The following CYB5RL variants were observed in gnomAD, a reference collection of about 807,000 sequenced individuals.
CYB5RL encodes cytochrome b5 reductase like.
Under a neutral mutation model 37.5 loss-of-function variants are expected in CYB5RL, and 38 were observed. The observed-to-expected ratio is 1.01, with a 90% CI of 0.78 to 1.33. CYB5RL has a LOEUF of 1.33. CYB5RL is among the 40% of genes most tolerant of loss of function. CYB5RL has a pLI of 0.00. For synonymous variants in CYB5RL, 141 were observed against 151.9 expected (o/e 0.93, Z 0.53); for missense variants, 388 against 394.4 (o/e 0.98, Z 0.14).
rs765848741 is a variant in CYB5RL at position 54,187,680 on chromosome 1, G to A, written c.407C>T (p.Ala136Val). The A allele has an allele frequency of 3.7e-6, 6 of 1,613,872 alleles. No homozygotes were observed. In the African/African-American group the frequency reaches 5.3e-5, roughly 14 times the overall value. The change falls in exon 5 of 8, where the codon GCA (alanine) becomes GTA (valine). Residue 136 changes from alanine to valine, a missense_variant. Coordinates refer to ENST00000534324, the MANE Select transcript of CYB5RL (RefSeq NM_001031672.4). Reference sequence around the variant, plus strand: ...AATTAACACTTCAAAGTATCCTTCTGCGTTGGCAGGGCTGATGGGCGTATA... The same window carrying A: ...AATTAACACTTCAAAGTATCCTTCTACGTTGGCAGGGCTGATGGGCGTATA... ...RAYTPISPAN[A>V]EGYFEVLIKC...
rs1659910955 is a variant in CYB5RL, at chr1:54,172,293, A to T, written c.*2326T>A. ...GCAATACTCCCACCTCAGCCTCCAA[A>T]GTAGCTGGGACTACAGGCGCATACC... On this transcript the variant is annotated 3_prime_UTR_variant, in exon 8 of 8. Transcript: ENST00000534324. The T allele has an allele frequency of 6.6e-6, 1 of 151,242 alleles. No homozygotes were observed. The highest frequency in any genetic ancestry group is 6.6e-5 in the Admixed American group (1 of 15,158). The allele number at this position is 151,242 out of a possible 1,614,324, so 9.4% of individuals were successfully genotyped here.
chr1:54,190,151 G>A (rs1458987892), intron 4 of CYB5RL, among the ~76,000 whole-genome samples: 1 of 152,184 alleles, frequency 6.6e-6, no homozygotes, highest in Non-Finnish European at 1.5e-5. Flanking sequence ...GCAGGGGTGG[G>A]GACTGGGGTG....
At chr1:54,199,034 T>C (rs1644047546) in intron 1 of CYB5RL, among the ~76,000 whole-genome samples, 1 of 152,142 alleles carries the variant, frequency 6.6e-6, no homozygotes, top group African/African-American at 2.4e-5. Context: ...GGTTCATGCG[T>C]CCTCTGAGCT....
intron 6 of CYB5RL, among the ~76,000 whole-genome samples, chr1:54,182,476 T>G (rs1215000891): frequency 6.6e-6 from 1 of 152,182 alleles, no homozygotes; most frequent in Non-Finnish European, 1.5e-5. Context: ...TTCTTTTCTT[T>G]TTTTTTTGTC....
At position 54,174,752 on chromosome 1, in the gene CYB5RL, A is replaced by G; in HGVS notation, c.815T>C (p.Leu272Pro). 1 of 1,614,024 alleles carries G rather than the reference A, an allele frequency of 6.2e-7. No homozygotes were observed. Among genetic ancestry groups the G allele is most frequent in the South Asian group, 1.1e-5 (1 of 91,070 alleles). ...ACAGCAGCTGACCAGCTCTTTAATT[A>G]GGTCCTGGCCCAGGTGGCCAAAGTG... ...KTHFGHLGQD[L>P]IKELVSCCRR... Residue 272 changes from leucine (L) to proline (P), a missense_variant, in exon 8 of 8, where the codon CTA becomes CCA. Leu to Pro is a moderately conservative substitution (Grantham distance 98). Transcript: ENST00000534324.
intron 3 of CYB5RL, among the ~76,000 whole-genome samples, chr1:54,193,821 T>C (rs1010479472): frequency 2.7e-5 from 4 of 150,056 alleles, no homozygotes; most frequent in African/African-American, 9.9e-5. Flanking sequence ...CAAAAAAAAA[T>C]TAGCCGGGCG....
At chr1:54,175,085 C>A (rs994451885) in intron 7 of CYB5RL, among the ~76,000 whole-genome samples, 6 of 152,274 alleles carry the variant, frequency 3.9e-5, no homozygotes, top group African/African-American at 1.4e-4. Context: ...GCAGCAGGAC[C>A]AGAACTCAAG....
chr1:54,172,288 TC>T lies in CYB5RL; in HGVS notation c.*2330del, dbSNP rs1659910887. The T allele has an allele frequency of 6.7e-6, 1 of 148,708 alleles. No homozygotes were observed. The allele number at this position is 148,708 out of a possible 1,614,324, so 9.2% of individuals were successfully genotyped here. ...CTCAAGCAATACTCCCACCTCAGCC[TC>T]CAAAGTAGCTGGGACTACAGGCGCA... On this transcript the variant is annotated 3_prime_UTR_variant, in exon 8 of 8. Transcript: ENST00000534324.
rs1294557094 is a variant in CYB5RL, at chr1:54,174,262, A to AT, written c.*356_*357insA. ...AGCCCCCATTAGATCCTCTAATCGG[A>AT]GGGGCCAGGGAAGCTCCTCCCGACT... is the stretch of plus-strand genomic sequence containing the variant. On this transcript the variant is annotated 3_prime_UTR_variant, in exon 8 of 8. Transcript: ENST00000534324. 1 of 295,336 alleles carries AT rather than the reference A, an allele frequency of 3.4e-6. No individual in the cohort carries two copies. The highest frequency in any genetic ancestry group is 6.6e-6 in the Non-Finnish European group (1 of 151,136). 18.3% of individuals were successfully genotyped at this position (295,336 alleles called of 1,614,324 possible).
At chr1:54,180,800 C>T (rs950454382) in intron 6 of CYB5RL, among the ~76,000 whole-genome samples, 1 of 152,114 alleles carries the variant, frequency 6.6e-6, no homozygotes, top group Non-Finnish European at 1.5e-5. Flanking sequence ...AAAAGAAACG[C>T]ACTTCCCCAT....
chr1:54,178,999 C>G, intron 7 of CYB5RL, 150 bp downstream of exon 7: 2 of 869,716 alleles, frequency 2.3e-6, no homozygotes, highest in South Asian at 3.3e-5. Flanking sequence ...CATGAGAACA[C>G]CTGCCTTCCA....
Position 54,171,039 on chromosome 1 carries a change from T to A in CYB5RL, c.*3580A>T. 1 of 427,468 alleles carries A rather than the reference T, an allele frequency of 2.3e-6. No individual in the cohort carries two copies. 26.5% of individuals were successfully genotyped at this position (427,468 alleles called of 1,614,324 possible). ...CAATGGGCCGGCCCTCATGCTCACA[T>A]GCAGATGACACTTATGGGTACAGCG... On this transcript the variant is annotated 3_prime_UTR_variant, in exon 8 of 8. Coordinates refer to ENST00000534324, the MANE Select transcript of CYB5RL (RefSeq NM_001031672.4).
chr1:54,190,364 T>C (rs1427611716), intron 4 of CYB5RL, among the ~76,000 whole-genome samples: 1 of 152,206 alleles, frequency 6.6e-6, no homozygotes, highest in African/African-American at 2.4e-5. Context: ...TAAAGCCACA[T>C]TGCTTGCCTT....
At chr1:54,198,335 CTTT>C (rs577709879) in intron 1 of CYB5RL, among the ~76,000 whole-genome samples, 1 of 143,158 alleles carries the variant, frequency 7.0e-6, no homozygotes. Context: ...TTCTTTCTTT[CTTT>C]TTTTTTTTTT....
Position 54,182,666 on chromosome 1 carries a change from C to T in CYB5RL, c.540+1495G>A, listed in dbSNP as rs866006166. On this transcript the variant is annotated intron_variant, in intron 6 of 7. Transcript: ENST00000534324. ...CTGGGTTCAAATGATTCTCATGCCTCGGCCTCCCAAGTGGTTGGGATTACA... is the reference window on the plus strand; with the variant it reads ...CTGGGTTCAAATGATTCTCATGCCTTGGCCTCCCAAGTGGTTGGGATTACA... 7.9e-5 allele frequency among the ~76,000 whole-genome samples: 12 copies of T among 152,152 alleles called. No homozygotes were observed. The East Asian group carries it at 9.6e-4, about 12-fold the overall frequency.
intron 7 of CYB5RL, among the ~76,000 whole-genome samples, chr1:54,177,098 T>A (rs1254388507): frequency 1.3e-5 from 2 of 152,016 alleles, no homozygotes; most frequent in African/African-American, 4.8e-5. Flanking sequence ...GGGAGGCAGT[T>A]CCCAGGCATG....
At chr1:54,186,575 G>C (rs528385771) in intron 5 of CYB5RL, among the ~76,000 whole-genome samples, 1 of 152,206 alleles carries the variant, frequency 6.6e-6, no homozygotes, top group Non-Finnish European at 1.5e-5. Context: ...GCAGCTGGGA[G>C]AGATCCAGCT....
At chr1:54,198,126 T>G (rs796172455) in intron 1 of CYB5RL, among the ~76,000 whole-genome samples, 19 of 151,156 alleles carry the variant, frequency 1.3e-4, no homozygotes, top group African/African-American at 4.6e-4. Context: ...TCCCTATGAC[T>G]GCTCATTCAG....
chr1:54,177,962 T>C (rs1160811458), intron 7 of CYB5RL, among the ~76,000 whole-genome samples: 1 of 152,178 alleles, frequency 6.6e-6, no homozygotes, highest in Non-Finnish European at 1.5e-5. Flanking sequence ...CCTCCCAGCA[T>C]CCTTGTCCAG....
Sources: gnomAD v4.1 joint callset for allele counts (sites outside exome capture counted in the v4.1 genomes callset) on GRCh38, gnomAD v4.1.1 for gene constraint, MANE v1.5 for transcripts, NCBI Gene and HGNC (gene_info 2026-07-23, HGNC 2026-07-21) for gene names.